Variants in IL12RB1 observed in about 807,000 individuals in gnomAD.
IL12RB1 encodes the protein interleukin 12 receptor subunit beta 1, also known as interleukin-12 receptor subunit beta-1.
IL12RB1 carries 64 observed loss-of-function variants against 94.4 expected under a neutral mutation model. The observed-to-expected ratio is 0.68, with a 90% CI of 0.55 to 0.83. The LOEUF is 0.83. IL12RB1 is among the 40% of genes least tolerant of loss of function. The pLI, the probability that IL12RB1 is intolerant of heterozygous loss-of-function variation, is 0.00. For missense variants in IL12RB1, 814 were observed against 855.6 expected (o/e 0.95, Z 0.61); for synonymous variants, 362 against 355.5 (o/e 1.02, Z -0.21).
At chr19:18,061,049 T>G in intron 15 of IL12RB1, 73 bp downstream of exon 15, 3 of 801,602 alleles carry the variant, frequency 3.7e-6, no homozygotes, top group Non-Finnish European at 6.5e-6. Flanking sequence ...GAGAATAAAA[T>G]GAGCTAATGC....
intron 13 of IL12RB1, among the ~76,000 whole-genome samples, chr19:18,062,793 T>C (rs372889): frequency 0.49 from 74,119 of 151,562 alleles, 18,463 homozygotes; most frequent in African/African-American, 0.51. Flanking sequence ...AAAAAGACTC[T>C]GTAATTCCAG....
Position 18,073,745 on chromosome 19 carries a change from A to G in IL12RB1, c.701-146T>C, listed in dbSNP as rs2035247523. 1.3e-5 allele frequency: 9 copies of G among 691,268 alleles called. No homozygotes were observed. In the South Asian group the frequency reaches 1.4e-4, roughly 11 times the overall value. The allele number at this position is 691,268 out of a possible 1,614,324, so 42.8% of individuals were successfully genotyped here. A position where few individuals can be genotyped will look rare whatever the true frequency, so the allele number is the denominator to read the frequency against. On this transcript the variant is annotated intron_variant, in intron 7 of 16. Coordinates refer to ENST00000593993, the MANE Select transcript of IL12RB1 (RefSeq NM_005535.3). ...GCAGAAAAGAGAAAAAACTGAAGGAAGAAAAATTAACACAATTTGCATCCC... is the reference window on the plus strand; with the variant it reads ...GCAGAAAAGAGAAAAAACTGAAGGAGGAAAAATTAACACAATTTGCATCCC...
Position 18,080,929 on chromosome 19 carries a change from C to A in IL12RB1, c.312G>T (p.Gly104=). The A allele has an allele frequency of 2.5e-6, 4 of 1,613,966 alleles. No individual in the cohort carries two copies. The highest frequency in any genetic ancestry group is 3.4e-6 in the Non-Finnish European group (4 of 1,179,900). ...ATRLQFSDQA[G]VSVLYTVTLW... ...GTGTGACAGTGTACAGCACAGACAC[C>A]CCAGCCTGGTCGGAGAACTGCAGCC... The change falls in exon 4 of 17, where the codon GGG becomes GGT. Residue 104 remains glycine (G), a synonymous_variant. Transcript: ENST00000593993.
chr19:18,080,777 C>A, intron 4 of IL12RB1, 55 bp downstream of exon 4: 1 of 1,193,192 alleles, frequency 8.4e-7, no homozygotes, highest in East Asian at 2.3e-5. Flanking sequence ...TCCAGCCTTG[C>A]AGCCTGATGG....
chr19:18,086,224 G>GTAAATAAATAAA (rs71833814), intron 1 of IL12RB1, among the ~76,000 whole-genome samples: 1 of 140,726 alleles, frequency 7.1e-6, no homozygotes, highest in Non-Finnish European at 1.5e-5. Context: ...CCCTACCTCA[G>GTAAATAAATAAA]TAAATAAATA....
intron 2 of IL12RB1, 80 bp from the exon 3 acceptor site, chr19:18,082,344 T>TA: frequency 1.2e-6 from 1 of 816,446 alleles, no homozygotes; most frequent in Non-Finnish European, 2.1e-6. Context: ...TTGTGATGCT[T>TA]ACATCTTTCA....
chr19:18,072,324 C>T lies in IL12RB1; in HGVS notation c.809G>A (p.Gly270Asp). Reference sequence around the variant, plus strand: ...CGTGCCAGGCGCCAGCCCTTGACAGCCTTCTGGAAGCTCCAGCTGGGTTGG... The same window carrying T: ...CGTGCCAGGCGCCAGCCCTTGACAGTCTTCTGGAAGCTCCAGCTGGGTTGG... Reference protein sequence around the residue: ...EQPTQLELPEGCQGLAPGTEV... With the variant: ...EQPTQLELPEDCQGLAPGTEV... The change falls in exon 9 of 17, where the codon GGC (glycine) becomes GAC (aspartate). Residue 270 changes from glycine (G) to aspartate (D), a missense_variant. By Grantham distance (94) the Gly-to-Asp change is moderately conservative. Coordinates refer to ENST00000593993, the MANE Select transcript of IL12RB1 (RefSeq NM_005535.3). The T allele has an allele frequency of 6.2e-7, 1 of 1,613,948 alleles. No homozygotes were observed. Among genetic ancestry groups the T allele is most frequent in the Non-Finnish European group, 8.5e-7 (1 of 1,179,920 alleles).
intron 7 of IL12RB1, among the ~76,000 whole-genome samples, chr19:18,074,273 A>G (rs2035286102): frequency 6.6e-6 from 1 of 152,068 alleles, no homozygotes; most frequent in Admixed American, 6.6e-5. Flanking sequence ...CGGCCTCCCA[A>G]AGTGCTGGGA....
At chr19:18,087,501 T>A (rs967507249), upstream of IL12RB1, among the ~76,000 whole-genome samples, 2 of 149,406 alleles carry the variant, frequency 1.3e-5, no homozygotes, top group Non-Finnish European at 3.0e-5. Flanking sequence ...TGAGCTACCG[T>A]GCCTGGCTGC....
intron 13 of IL12RB1, among the ~76,000 whole-genome samples, chr19:18,062,578 G>C (rs960174593): frequency 2.0e-5 from 3 of 152,256 alleles, no homozygotes; most frequent in Non-Finnish European, 4.4e-5. Context: ...TTCGAGACCA[G>C]CCTGACCAAT....
chr19:18,086,623 C>A, intron 1 of IL12RB1, 137 bp downstream of exon 1: 1 of 752,810 alleles, frequency 1.3e-6, no homozygotes, highest in Admixed American at 3.1e-5. Flanking sequence ...CATGACTGCC[C>A]ATCTCCCATT....
intron 5 of IL12RB1, 86 bp downstream of exon 5, chr19:18,077,430 C>G: frequency 9.7e-7 from 1 of 1,028,108 alleles, no homozygotes; most frequent in African/African-American, 1.6e-5. Flanking sequence ...GGAGCGGGGA[C>G]AGATGCAGAG....
At position 18,080,822 on chromosome 19, in the gene IL12RB1, A is replaced by G; in HGVS notation, c.409+10T>C. On this transcript the variant is annotated intron_variant, in intron 4 of 16. Transcript: ENST00000593993. ...GTAAAAAACGGACGGGGGGAGAACA[A>G]GGTGCTAACCTGAGTTGTAGAGCTG... The G allele has an allele frequency of 6.3e-7, 1 of 1,586,876 alleles. No individual in the cohort carries two copies. The highest frequency in any genetic ancestry group is 8.7e-7 in the Non-Finnish European group (1 of 1,155,116).
chr19:18,059,944 C>A lies in IL12RB1; in HGVS notation c.1933G>T (p.Ala645Ser). ...TELPEGAPEL[A>S]LDTELSLEDG... is the part of the protein sequence containing the mutation. ...TCCAAGGACAACTCTGTATCCAGGGCCAGCTCAGGGGCACCCTCAGGTAGC... is the reference window on the plus strand; with the variant it reads ...TCCAAGGACAACTCTGTATCCAGGGACAGCTCAGGGGCACCCTCAGGTAGC... Residue 645 changes from alanine (A) to serine (S), a missense_variant, in exon 16 of 17, where the codon GCC (alanine) becomes TCC (serine). Ala to Ser is a moderately conservative substitution (Grantham distance 99). Transcript: ENST00000593993. The A allele has an allele frequency of 6.3e-7, 1 of 1,594,720 alleles. No individual in the cohort carries two copies. The highest frequency in any genetic ancestry group is 1.3e-5 in the African/African-American group (1 of 74,446).
intron 1 of IL12RB1, among the ~76,000 whole-genome samples, chr19:18,095,853 A>G (rs545525724): frequency 6.6e-6 from 1 of 152,234 alleles, no homozygotes; most frequent in Admixed American, 6.5e-5. Flanking sequence ...AGCATACTCC[A>G]GTGTCCACAC....
At chr19:18,075,641 C>A (rs931730464) in intron 7 of IL12RB1, 108 bp downstream of exon 7, 4 of 988,674 alleles carry the variant, frequency 4.0e-6, no homozygotes, top group Non-Finnish European at 6.5e-6. Context: ...AAGTGATCCT[C>A]CCGCCTCAGC....
intron 14 of IL12RB1, 75 bp downstream of exon 14, chr19:18,062,106 G>T: frequency 1.0e-6 from 1 of 994,336 alleles, no homozygotes; most frequent in Non-Finnish European, 1.6e-6. Context: ...CAATCTGCGG[G>T]CTAAGCTCCA....
At chr19:18,084,255 C>A (rs1323470688) in intron 1 of IL12RB1, among the ~76,000 whole-genome samples, 1 of 150,020 alleles carries the variant, frequency 6.7e-6, no homozygotes, top group Admixed American at 6.6e-5. Flanking sequence ...ACGTATTCAT[C>A]CATCCATCCA....
At chr19:18,081,049 A>T (rs773201093) in intron 3 of IL12RB1, 48 bp from the exon 4 acceptor site, 1 of 1,555,942 alleles carries the variant, frequency 6.4e-7, no homozygotes, top group Non-Finnish European at 8.8e-7. Flanking sequence ...GTCCTAGTGG[A>T]CCCCACAGCC....
Sources: allele counts gnomAD v4.1 joint callset (sites outside exome capture counted in the v4.1 genomes callset), GRCh38; gene constraint gnomAD v4.1.1; transcripts MANE v1.5; gene names NCBI Gene and HGNC (gene_info 2026-07-23, HGNC 2026-07-21).